CISH: variants seen among roughly 807,000 people sequenced by gnomAD.
CISH encodes cytokine inducible SH2 containing protein, also known as cytokine-inducible SH2-containing protein.
CISH carries 11 observed loss-of-function variants against 21.3 expected under a neutral mutation model. That is an observed-to-expected ratio of 0.52 (90% CI 0.32 to 0.85). The LOEUF is 0.85. Ranked by LOEUF, CISH falls within the 40% of genes least tolerant of loss-of-function variation. The pLI, the probability that CISH is intolerant of heterozygous loss-of-function variation, is 0.03. For synonymous variants in CISH, 118 were observed against 142.3 expected (o/e 0.83, Z 1.22); for missense variants, 280 against 351.7 (o/e 0.80, Z 1.63).
Position 50,607,967 on chromosome 3 carries a change from A to G in CISH, c.417T>C (p.Arg139=). Residue 139 remains arginine (R), a synonymous_variant, in exon 3 of 3, where the codon CGT becomes CGC. Coordinates refer to ENST00000348721, the MANE Select transcript of CISH (RefSeq NM_145071.4). ...VRIEYADSSF[R]LDSNCLSRPR... is the part of the protein sequence containing the mutation. ...GCCTGGACAAGCAGTTGGAGTCCAG[A>G]CGGAAGCTGGAGTCGGCATACTCAA... 1 of 1,614,018 alleles carries G rather than the reference A, an allele frequency of 6.2e-7. No individual in the cohort carries two copies. The highest frequency in any genetic ancestry group is 8.5e-7 in the Non-Finnish European group (1 of 1,180,018).
intron 1 of CISH, chr3:50,610,961 G>C: frequency 3.0e-6 from 3 of 995,450 alleles, no homozygotes; most frequent in Non-Finnish European, 3.6e-6. Flanking sequence ...CCTCTCCACT[G>C]TCCCTTACCT....
rs1381238238 is a variant in CISH at position 50,607,090 on chromosome 3, C to T, written c.*517G>A. On this transcript the variant is annotated 3_prime_UTR_variant, in exon 3 of 3. Transcript: ENST00000348721. ...GGGGTTGGCTCGCCCCTGACACCAACCCCAAGGAGAATAAATAAATAAATA... is the reference window on the plus strand; with the variant it reads ...GGGGTTGGCTCGCCCCTGACACCAATCCCAAGGAGAATAAATAAATAAATA... The T allele has an allele frequency of 6.4e-6, 1 of 155,214 alleles. No individual in the cohort carries two copies. The highest frequency in any genetic ancestry group is 1.4e-5 in the Non-Finnish European group (1 of 69,818). The allele number at this position is 155,214 out of a possible 1,614,324, so 9.6% of individuals were successfully genotyped here.
intron 1 of CISH, chr3:50,610,238 T>C: frequency 2.0e-6 from 2 of 998,958 alleles, no homozygotes; most frequent in Admixed American, 2.1e-5. Flanking sequence ...CTGGAACCTC[T>C]GTGGGTGGCC....
intron 1 of CISH, chr3:50,610,366 TG>T (rs2032285185): frequency 6.4e-7 from 1 of 1,551,150 alleles, no homozygotes; most frequent in African/African-American, 1.4e-5. Context: ...TCCTGGTGAG[TG>T]TGTACCTGGG....
In CISH at chr3:50,608,065, G is replaced by A. The variant is rs145632110; in HGVS notation, c.319C>T (p.Arg107Cys). Residue 107 changes from arginine to cysteine, a missense_variant, in exon 3 of 3, where the codon CGT (arginine) becomes TGT (cysteine). Coordinates refer to ENST00000348721, the MANE Select transcript of CISH (RefSeq NM_145071.4). ...AGGTAGCTGGGGTGCGTGCTGTCAC[G>A]TACTAAGAACGTGCCTTCTGGCATC... The part of the protein sequence containing the change: ...QKMPEGTFLV[R>C]DSTHPSYLFT... The A allele has an allele frequency of 5.6e-6, 9 of 1,613,630 alleles. No homozygotes were observed. The highest frequency in any genetic ancestry group is 7.6e-6 in the Non-Finnish European group (9 of 1,179,856).
At chr3:50,609,434 A>G (rs545239178) in intron 1 of CISH, 1 of 152,338 alleles carries the variant, frequency 6.6e-6, no homozygotes, top group Non-Finnish European at 1.5e-5. Flanking sequence ...CCTTTTCCGC[A>G]ATAAAGGGTC....
rs1307479975 is a variant in CISH, at chr3:50,606,921, A to C, written c.*686T>G. 2.6e-5 allele frequency: 4 copies of C among 152,252 alleles called. No homozygotes were observed. The highest frequency in any genetic ancestry group is 2.1e-4 in the South Asian group (1 of 4,830). 9.4% of individuals were successfully genotyped at this position (152,252 alleles called of 1,614,324 possible). A position where few individuals can be genotyped will look rare whatever the true frequency, so the allele number is the denominator to read the frequency against. Reference sequence around the variant, plus strand: ...GGGGCAGAAGAGAGTGGACACATTCACAGACGGGTGGGTCAGTACCAGGAC... The same window carrying C: ...GGGGCAGAAGAGAGTGGACACATTCCCAGACGGGTGGGTCAGTACCAGGAC... On this transcript the variant is annotated 3_prime_UTR_variant, in exon 3 of 3. Transcript: ENST00000348721.
rs146334574 is a variant in CISH at position 50,610,750 on chromosome 3, G to A, written c.20+881C>T. The A allele has an allele frequency of 4.6e-4, 578 of 1,245,786 alleles. 1 individual carries two copies. In the African/African-American group the frequency reaches 5.2e-3, roughly 11 times the overall value. 77.2% of individuals were successfully genotyped at this position (1,245,786 alleles called of 1,614,324 possible). A position where few individuals can be genotyped will look rare whatever the true frequency, so the allele number is the denominator to read the frequency against. ...CCTCACTTGGCACCAGGCCAGTTGC[G>A]ATAAGCACAGCCACCCAGTCCTCCC... On this transcript the variant is annotated intron_variant, in intron 1 of 2. Transcript: ENST00000348721.
intron 1 of CISH, chr3:50,610,976 T>C: frequency 1.2e-5 from 12 of 991,838 alleles, no homozygotes; most frequent in Non-Finnish European, 1.4e-5. Context: ...TTACCTCAAG[T>C]CTGGGAAATT....
chr3:50,608,524 G>A lies in CISH; in HGVS notation c.90C>T (p.Pro30=), dbSNP rs778127669. 2 of 1,606,432 alleles carry A rather than the reference G, an allele frequency of 1.2e-6. No homozygotes were observed. Among genetic ancestry groups the A allele is most frequent in the East Asian group, 2.2e-5 (1 of 44,816 alleles). ...RPLWAPSLEL[P]KPVMQPLPAG... ...CAGGCAAGGGCTGCATGACTGGCTTGGGCAGTTCCAGGGACGGGGCCCACA... is the reference window on the plus strand; with the variant it reads ...CAGGCAAGGGCTGCATGACTGGCTTAGGCAGTTCCAGGGACGGGGCCCACA... The change falls in exon 2 of 3, where the codon CCC becomes CCT. Residue 30 remains proline (P), a synonymous_variant. Transcript: ENST00000348721.
chr3:50,611,225 G>T, intron 1 of CISH: 2 of 1,065,396 alleles, frequency 1.9e-6, no homozygotes, highest in Non-Finnish European at 2.3e-6. Context: ...GACAGAGGGG[G>T]CCAGGGGCTG....
intron 1 of CISH, chr3:50,609,308 T>G (rs2032253779): frequency 6.6e-6 from 1 of 152,272 alleles, no homozygotes; most frequent in Non-Finnish European, 1.5e-5. Context: ...CCTGTCAGTA[T>G]GAGCTCCCAC....
Position 50,610,142 on chromosome 3 carries a change from A to T in CISH, c.20+1489T>A, listed in dbSNP as rs183233020. On this transcript the variant is annotated intron_variant, in intron 1 of 2. Coordinates refer to ENST00000348721, the MANE Select transcript of CISH (RefSeq NM_145071.4). ...GGGATCTTGGAAATCCCTCTTGGAG[A>T]GCTGGAGGCCAAATTTTGAGATGAC... 341 of 572,554 alleles carry T rather than the reference A, an allele frequency of 6.0e-4. 1 individual carries two copies. The highest frequency in any genetic ancestry group is 2.8e-3 in the Middle Eastern group (6 of 2,134). The allele number at this position is 572,554 out of a possible 1,614,324, so 35.5% of individuals were successfully genotyped here.
At position 50,606,860 on chromosome 3, in the gene CISH, C is replaced by A. The variant is rs557855323; in HGVS notation, c.*747G>T. 6.6e-6 allele frequency: 1 copy of A among 152,530 alleles called. No homozygotes were observed. Among genetic ancestry groups the A allele is most frequent in the Non-Finnish European group, 1.5e-5 (1 of 68,312 alleles). The allele number at this position is 152,530 out of a possible 1,614,324, so 9.4% of individuals were successfully genotyped here. On this transcript the variant is annotated 3_prime_UTR_variant, in exon 3 of 3. Coordinates refer to ENST00000348721, the MANE Select transcript of CISH (RefSeq NM_145071.4). ...CTGAGGCTCCGGCTGCATTTTCTTA[C>A]CTATTGTAGTTGTCCATCCTCCCCA...
At position 50,607,450 on chromosome 3, in the gene CISH, C is replaced by A. The variant is rs891465832; in HGVS notation, c.*157G>T. 2 of 735,106 alleles carry A rather than the reference C, an allele frequency of 2.7e-6. No homozygotes were observed. Among genetic ancestry groups the A allele is most frequent in the Non-Finnish European group, 4.5e-6 (2 of 449,260 alleles). The allele number at this position is 735,106 out of a possible 1,614,324, so 45.5% of individuals were successfully genotyped here. A position where few individuals can be genotyped will look rare whatever the true frequency, so the allele number is the denominator to read the frequency against. ...CAAGTTGTGTGACACCTCCCCTCTC[C>A]CATGCCTTGCTCTTGCTGGCTCTTC... On this transcript the variant is annotated 3_prime_UTR_variant, in exon 3 of 3. Coordinates refer to ENST00000348721, the MANE Select transcript of CISH (RefSeq NM_145071.4).
chr3:50,607,585 G>A lies in CISH; in HGVS notation c.*22C>T. On this transcript the variant is annotated 3_prime_UTR_variant, in exon 3 of 3. Transcript: ENST00000348721. Reference sequence around the variant, plus strand: ...CCCTCCAGGGTGCGACTGGGTGAGGGTGGGCAGATTGCCCCGTACAGTCAG... The same window carrying A: ...CCCTCCAGGGTGCGACTGGGTGAGGATGGGCAGATTGCCCCGTACAGTCAG... 6.3e-7 allele frequency: 1 copy of A among 1,591,064 alleles called. No individual in the cohort carries two copies. The highest frequency in any genetic ancestry group is 8.6e-7 in the Non-Finnish European group (1 of 1,166,376).
At chr3:50,611,102 G>A (rs1189933262) in intron 1 of CISH, 1 of 983,656 alleles carries the variant, frequency 1.0e-6, no homozygotes, top group East Asian at 1.2e-4. Flanking sequence ...CAAACCCAGG[G>A]CCTCCCGAGA....
At chr3:50,611,590 C>G (rs1410367433) in intron 1 of CISH, 41 bp downstream of exon 1, 3 of 1,523,462 alleles carry the variant, frequency 2.0e-6, no homozygotes, top group Middle Eastern at 1.7e-4. Context: ...TCCCGTGCGC[C>G]CCTCGTGGTG....
chr3:50,607,995 C>A lies in CISH; in HGVS notation c.389G>T (p.Arg130Leu), dbSNP rs201825038. The change falls in exon 3 of 3, where the codon CGC becomes CTC. Residue 130 changes from arginine (R) to leucine (L), a missense_variant. Coordinates refer to ENST00000348721, the MANE Select transcript of CISH (RefSeq NM_145071.4). ...VKTTRGPTNVRIEYADSSFRL... is the reference protein window; with the variant it reads ...VKTTRGPTNVLIEYADSSFRL... ...GAAGCTGGAGTCGGCATACTCAATG[C>A]GTACATTGGTGGGGCCACGAGTGGT... is the stretch of plus-strand genomic sequence containing the variant. The A allele has an allele frequency of 5.6e-6, 9 of 1,613,934 alleles. No individual in the cohort carries two copies. The highest frequency in any genetic ancestry group is 1.7e-5 in the Admixed American group (1 of 60,000).
Sources: gnomAD v4.1 joint callset for allele counts on GRCh38, gnomAD v4.1.1 for gene constraint, MANE v1.5 for transcripts, NCBI Gene and HGNC (gene_info 2026-07-23, HGNC 2026-07-21) for gene names.